AKT3: variants seen among roughly 807,000 people sequenced by gnomAD.
AKT3 encodes RAC-gamma serine/threonine-protein kinase.
AKT3 carries 15 observed loss-of-function variants against 65.3 expected under a neutral mutation model. The observed-to-expected ratio is 0.23, with a 90% confidence interval of 0.15 to 0.35. The LOEUF is 0.35. Among genes scored for constraint, AKT3 ranks in the 10% least tolerant of loss-of-function variants. The pLI, the probability that AKT3 is intolerant of heterozygous loss-of-function variation, is 1.00. For missense variants in AKT3, 243 were observed against 576.5 expected (o/e 0.42, Z 5.92); for synonymous variants, 206 against 183.8 (o/e 1.12, Z -0.98).
chr1:243,519,560 G>T (rs1670581339), intron 12 of AKT3, among the ~76,000 whole-genome samples: 1 of 152,154 alleles, frequency 6.6e-6, no homozygotes, highest in South Asian at 2.1e-4. Context: ...GCAGGAGAAT[G>T]ATAACACCTG....
chr1:243,815,809 G>A (rs1342595298), intron 2 of AKT3, among the ~76,000 whole-genome samples: 1 of 34,402 alleles, frequency 2.9e-5, no homozygotes, highest in Non-Finnish European at 9.6e-5. Context: ...TAGAGATGAG[G>A]TTTCACCATC....
chr1:243,801,770 C>G (rs1418219982), intron 2 of AKT3, among the ~76,000 whole-genome samples: 1 of 152,168 alleles, frequency 6.6e-6, no homozygotes, highest in Non-Finnish European at 1.5e-5. Context: ...AAAGCTGAAG[C>G]ACTAGTCTTA....
chr1:243,632,081 G>A (rs1201577007), intron 6 of AKT3, among the ~76,000 whole-genome samples: 2 of 152,156 alleles, frequency 1.3e-5, no homozygotes, highest in Non-Finnish European at 2.9e-5. Context: ...GAACATTCAT[G>A]AAGACTGAAT....
At chr1:243,679,420 C>T (rs911854568) in intron 3 of AKT3, among the ~76,000 whole-genome samples, 1 of 151,952 alleles carries the variant, frequency 6.6e-6, no homozygotes, top group African/African-American at 2.4e-5. Flanking sequence ...GAAAACTGAC[C>T]AATCTTTTAT....
At chr1:243,784,987 C>T (rs1388470551) in intron 2 of AKT3, among the ~76,000 whole-genome samples, 2 of 151,968 alleles carry the variant, frequency 1.3e-5, no homozygotes, top group Non-Finnish European at 2.9e-5. Flanking sequence ...TGGATTTCAA[C>T]TCCCGGCTTA....
chr1:243,768,486 C>T (rs1358514931), intron 2 of AKT3, among the ~76,000 whole-genome samples: 3 of 152,136 alleles, frequency 2.0e-5, no homozygotes, highest in Admixed American at 2.0e-4. Context: ...TCCTACAGAA[C>T]CCTTCTCTAT....
chr1:243,847,486 T>C (rs1416548248), intron 1 of AKT3, among the ~76,000 whole-genome samples: 1 of 152,198 alleles, frequency 6.6e-6, no homozygotes, highest in African/African-American at 2.4e-5. Flanking sequence ...GCTAAACTTC[T>C]ACAAAATCAA....
chr1:243,582,642 A>T (rs1281316577), intron 8 of AKT3, among the ~76,000 whole-genome samples: 1 of 152,152 alleles, frequency 6.6e-6, no homozygotes, highest in Admixed American at 6.5e-5. Flanking sequence ...AATAAATGCT[A>T]CCACAAAAAT....
At chr1:243,604,787 A>G (rs1481000348) in intron 8 of AKT3, among the ~76,000 whole-genome samples, 1 of 152,218 alleles carries the variant, frequency 6.6e-6, no homozygotes, top group Non-Finnish European at 1.5e-5. Context: ...AAGGAAAAAT[A>G]GTATGTTTTC....
intron 1 of AKT3, among the ~76,000 whole-genome samples, chr1:243,847,666 C>A (rs1030999894): frequency 8.5e-5 from 13 of 152,098 alleles, no homozygotes; most frequent in Admixed American, 7.9e-4. Context: ...TAAGTTTAAT[C>A]AACACGTTTA....
intron 3 of AKT3, among the ~76,000 whole-genome samples, chr1:243,691,149 T>C (rs900753943): frequency 8.6e-5 from 13 of 152,026 alleles, no homozygotes; most frequent in African/African-American, 2.4e-4. Flanking sequence ...TCCAGGCAAA[T>C]AGAGGACCAA....
chr1:243,648,759 G>C (rs1681042320), intron 4 of AKT3, among the ~76,000 whole-genome samples: 1 of 151,974 alleles, frequency 6.6e-6, no homozygotes, highest in African/African-American at 2.4e-5. Flanking sequence ...CATTGATATT[G>C]GGTTTTCTAA....
intron 2 of AKT3, among the ~76,000 whole-genome samples, chr1:243,700,489 G>C (rs1407970593): frequency 6.7e-6 from 1 of 149,454 alleles, no homozygotes; most frequent in African/African-American, 2.4e-5. Context: ...CATTATTTTG[G>C]ACCTCAGGCT....
chr1:243,684,279 G>T (rs532695219), intron 3 of AKT3, among the ~76,000 whole-genome samples: 1 of 152,018 alleles, frequency 6.6e-6, no homozygotes, highest in South Asian at 2.1e-4. Flanking sequence ...TCTACATTAG[G>T]TATTTCTCCT....
At chr1:243,844,760 C>T (rs746436810) in intron 1 of AKT3, among the ~76,000 whole-genome samples, 2 of 152,162 alleles carry the variant, frequency 1.3e-5, no homozygotes, top group Non-Finnish European at 2.9e-5. Flanking sequence ...GGACAAACAT[C>T]GAATTTATCC....
rs542219293 is a variant in AKT3 at position 243,748,568 on chromosome 1, T to C, written c.47-52852A>G. On this transcript the variant is annotated intron_variant, in intron 2 of 13. Transcript: ENST00000673466. ...AGTAAATAAAACAATATAAAGAAAA[T>C]AAATTCACAAACTTTAATGTAGAAT... Among the ~76,000 whole-genome samples, 44 of 152,148 alleles carry C rather than the reference T, an allele frequency of 2.9e-4. 1 individual carries two copies. The South Asian group carries it at 8.3e-3, about 29-fold the overall frequency.
chr1:243,641,319 CAT>C (rs571477102), intron 5 of AKT3, among the ~76,000 whole-genome samples: 324 of 146,022 alleles, frequency 2.2e-3, no homozygotes, highest in Middle Eastern at 7.2e-3. Context: ...TATATACACA[CAT>C]ATATATATAT....
At chr1:243,642,092 G>T (rs1156934474) in intron 5 of AKT3, among the ~76,000 whole-genome samples, 1 of 152,142 alleles carries the variant, frequency 6.6e-6, no homozygotes, top group Non-Finnish European at 1.5e-5. Context: ...ATTACTATTA[G>T]TTAAAAAGCA....
At chr1:243,764,622 A>G in intron 2 of AKT3, among the ~76,000 whole-genome samples, 1 of 152,240 alleles carries the variant, frequency 6.6e-6, no homozygotes, top group Non-Finnish European at 1.5e-5. Flanking sequence ...ACTGACCTCT[A>G]TTACAGAAAA....
Sources: allele counts gnomAD v4.1 joint callset (sites outside exome capture counted in the v4.1 genomes callset), GRCh38; gene constraint gnomAD v4.1.1; transcripts MANE v1.5; gene names NCBI Gene and HGNC (gene_info 2026-07-23, HGNC 2026-07-21).